The following FAM178B variants were observed in gnomAD, a reference collection of about 807,000 sequenced individuals.
FAM178B encodes protein FAM178B.
A neutral mutation model predicts 91.7 loss-of-function variants in FAM178B; 82 were observed. That is an observed-to-expected ratio of 0.89 (90% CI 0.75 to 1.07). The LOEUF (loss-of-function observed/expected upper bound fraction) is 1.07, where lower values mean the gene tolerates loss of function less well. Among genes scored for constraint, FAM178B ranks in the 50% least tolerant of loss-of-function variants. The probability of loss-of-function intolerance (pLI) is 0.00; values close to 1 mark genes in which losing one functional copy is unlikely to be tolerated. For synonymous variants in FAM178B, 368 were observed against 359.4 expected (o/e 1.02, Z -0.27); for missense variants, 769 against 846.7 (o/e 0.91, Z 1.14).
chr2:96,891,319 G>C (rs1366115190), intron 14 of FAM178B, among the ~76,000 whole-genome samples: 1 of 152,238 alleles, frequency 6.6e-6, no homozygotes, highest in Admixed American at 6.5e-5. Context: ...CCTCCTGCAG[G>C]AGAAGGCCAG....
chr2:96,923,397 G>C, intron 10 of FAM178B, 93 bp downstream of exon 10: 1 of 1,001,290 alleles, frequency 1.0e-6, no homozygotes, highest in Non-Finnish European at 1.5e-6. Flanking sequence ...GAGCTCGCCG[G>C]AGATTCTCCG....
intron 7 of FAM178B, 31 bp from the exon 8 acceptor site, chr2:96,947,933 C>G: frequency 8.1e-7 from 1 of 1,233,936 alleles, no homozygotes. Flanking sequence ...AAAACAAAAA[C>G]CTGGTGAGCT....
At chr2:96,962,919 T>A (rs1334097288) in intron 5 of FAM178B, among the ~76,000 whole-genome samples, 1 of 152,146 alleles carries the variant, frequency 6.6e-6, no homozygotes. Flanking sequence ...TATTCAGGGA[T>A]GAAGAGGCTG....
rs1290032255 is a variant in FAM178B, at chr2:96,971,911, G to C, written c.554C>G (p.Ala185Gly). The C allele has an allele frequency of 1.3e-6, 2 of 1,493,710 alleles. No individual in the cohort carries two copies. Among genetic ancestry groups the C allele is most frequent in the East Asian group, 2.5e-5 (1 of 40,314 alleles). 92.5% of individuals were successfully genotyped at this position (1,493,710 alleles called of 1,614,324 possible). Residue 185 changes from alanine to glycine, a missense_variant, in exon 3 of 17, where the codon GCG becomes GGG. Physicochemically the swap from Ala to Gly is moderately conservative, Grantham distance 60 (BLOSUM62 0). Transcript: ENST00000490605. The stretch of plus-strand genomic sequence containing the variant: ...TGGACACAGGCTCACCTCTGGGGCC[G>C]CAGCCTGCTGGCTCAGGCCTGACGT... ...WNTSGLSQQA[A>G]APEFSWGGSG...
chr2:96,961,682 G>A (rs113590918), intron 5 of FAM178B, among the ~76,000 whole-genome samples: 1,936 of 152,268 alleles, frequency 0.013, 40 homozygotes, highest in African/African-American at 0.044. Flanking sequence ...AACAGCCCAG[G>A]GGCCCCCTTA....
chr2:96,960,865 C>T (rs972200256), intron 5 of FAM178B, among the ~76,000 whole-genome samples: 4 of 152,082 alleles, frequency 2.6e-5, no homozygotes, highest in African/African-American at 7.2e-5. Flanking sequence ...AGGAGAGGAG[C>T]GCTGGGTGCG....
intron 10 of FAM178B, among the ~76,000 whole-genome samples, chr2:96,922,925 C>T (rs886996489): frequency 6.6e-6 from 1 of 151,568 alleles, no homozygotes; most frequent in Non-Finnish European, 1.5e-5. Context: ...CCACCCGCCT[C>T]AGCCTCCCAA....
At chr2:96,959,694 T>C (rs2082053328) in intron 6 of FAM178B, among the ~76,000 whole-genome samples, 1 of 152,226 alleles carries the variant, frequency 6.6e-6, no homozygotes, top group African/African-American at 2.4e-5. Flanking sequence ...TTCTTGGATA[T>C]ATTAGCTCAT....
intron 12 of FAM178B, among the ~76,000 whole-genome samples, chr2:96,914,026 G>T (rs1023673686): frequency 3.9e-5 from 6 of 152,224 alleles, no homozygotes; most frequent in African/African-American, 1.4e-4. Context: ...AAACATTGTT[G>T]GCTTTTACTT....
chr2:96,945,512 A>G (rs2081812478), intron 8 of FAM178B, among the ~76,000 whole-genome samples: 2 of 152,164 alleles, frequency 1.3e-5, no homozygotes, highest in Admixed American at 6.5e-5. Context: ...TCCTGTTTAC[A>G]TATGAGAAGC....
Position 96,893,907 on chromosome 2 carries a change from G to T in FAM178B, c.1776+19C>A, listed in dbSNP as rs1255577650. ...GTGGCACCGTGGTGGAGGCAGGCGG[G>T]TGCTGGGTGCTCACTCACCTTGTGG... On this transcript the variant is annotated intron_variant, in intron 14 of 16. Coordinates refer to ENST00000490605, the MANE Select transcript of FAM178B (RefSeq NM_001122646.3). The T allele has an allele frequency of 2.5e-6, 4 of 1,607,728 alleles. No homozygotes were observed. The highest frequency in any genetic ancestry group is 1.3e-5 in the African/African-American group (1 of 74,808).
chr2:96,946,230 A>G (rs982421451), intron 8 of FAM178B, among the ~76,000 whole-genome samples: 4 of 152,202 alleles, frequency 2.6e-5, no homozygotes, highest in Non-Finnish European at 5.9e-5. Flanking sequence ...TACATCATGG[A>G]CATTCAAAGA....
At chr2:96,943,319 C>G (rs971857516) in intron 8 of FAM178B, among the ~76,000 whole-genome samples, 2 of 152,166 alleles carry the variant, frequency 1.3e-5, no homozygotes, top group Non-Finnish European at 2.9e-5. Flanking sequence ...TGTTAATCAA[C>G]TTTTGGTCTC....
intron 8 of FAM178B, among the ~76,000 whole-genome samples, chr2:96,945,529 AACAC>A (rs372421914): frequency 6.6e-6 from 1 of 151,858 alleles, no homozygotes; most frequent in African/African-American, 2.4e-5. Context: ...AAGCGGCTTG[AACAC>A]ACACACACAA....
At chr2:96,921,051 T>G in intron 12 of FAM178B, 114 bp downstream of exon 12, 1 of 781,454 alleles carries the variant, frequency 1.3e-6, no homozygotes. Flanking sequence ...CTCCTGGGGA[T>G]TAGAAATTGG....
intron 8 of FAM178B, among the ~76,000 whole-genome samples, chr2:96,941,412 G>A (rs937513446): frequency 6.6e-6 from 1 of 152,170 alleles, no homozygotes; most frequent in Non-Finnish European, 1.5e-5. Context: ...AAGAAAGGAA[G>A]GGAGAGATGA....
chr2:96,917,359 A>C (rs1179033760), intron 12 of FAM178B, among the ~76,000 whole-genome samples: 1 of 152,234 alleles, frequency 6.6e-6, no homozygotes, highest in Non-Finnish European at 1.5e-5. Context: ...GCTGCCTGAA[A>C]GGCAGGCGCA....
intron 12 of FAM178B, among the ~76,000 whole-genome samples, chr2:96,913,258 G>A (rs893624366): frequency 1.3e-5 from 2 of 152,174 alleles, no homozygotes; most frequent in African/African-American, 2.4e-5. Context: ...CAGGAAGCAT[G>A]GAGTCTGCTA....
At chr2:96,890,164 A>G (rs1054379566) in intron 14 of FAM178B, among the ~76,000 whole-genome samples, 3 of 152,128 alleles carry the variant, frequency 2.0e-5, no homozygotes, top group African/African-American at 7.2e-5. Context: ...AATCCCAGCT[A>G]CTTGGGAGTC....
Sources: allele counts gnomAD v4.1 joint callset (sites outside exome capture counted in the v4.1 genomes callset), GRCh38; gene constraint gnomAD v4.1.1; transcripts MANE v1.5; gene names NCBI Gene and HGNC (gene_info 2026-07-23, HGNC 2026-07-21).